RGPD2: variants seen among roughly 807,000 people sequenced by gnomAD.
The protein encoded by RGPD2 is RANBP2 like and GRIP domain containing 2.
In RGPD2, 2 loss-of-function variants were observed where a neutral mutation model predicts 36.0. The observed-to-expected ratio is 0.06, with a 90% CI of 0.02 to 0.17. RGPD2 has a LOEUF of 0.17. RGPD2 is among the 10% of genes least tolerant of loss of function. The pLI, the probability that RGPD2 is intolerant of heterozygous loss-of-function variation, is 1.00. For missense variants in RGPD2, 40 were observed against 464.3 expected (o/e 0.09, Z 8.40); for synonymous variants, 19 against 163.8 (o/e 0.12, Z 6.75).
chr2:87,844,681 CATT>C, the RGPD2 span, among the ~76,000 whole-genome samples: 2 of 151,620 alleles, frequency 1.3e-5, no homozygotes, highest in Non-Finnish European at 2.9e-5. Flanking sequence ...TTTAAATTTC[CATT>C]TCTTAAGTCT....
At chr2:87,883,766 A>G in the RGPD2 span, among the ~76,000 whole-genome samples, 1 of 152,118 alleles carries the variant, frequency 6.6e-6, no homozygotes, top group African/African-American at 2.4e-5. Context: ...TAACAATTAT[A>G]TTTGCTCCAA....
intron 20 of RGPD2, among the ~76,000 whole-genome samples, chr2:87,776,590 TA>T (rs1685272360): frequency 7.8e-6 from 1 of 128,750 alleles, no homozygotes; most frequent in Non-Finnish European, 1.7e-5. Flanking sequence ...TCGGGAGAAT[TA>T]AGCAGCTGCT....
At chr2:87,984,479 A>AT in the RGPD2 span, among the ~76,000 whole-genome samples, 1 of 150,918 alleles carries the variant, frequency 6.6e-6, no homozygotes, top group African/African-American at 2.4e-5. Flanking sequence ...TTTAGAAAAA[A>AT]TTTTTAATGA....
intron 22 of RGPD2, among the ~76,000 whole-genome samples, chr2:87,761,081 ATTCT>A (rs1447164765): frequency 3.6e-5 from 2 of 55,372 alleles, no homozygotes; most frequent in Admixed American, 4.6e-4. Flanking sequence ...GAGCTCACTG[ATTCT>A]TTCATTGGCC....
the RGPD2 span, among the ~76,000 whole-genome samples, chr2:87,886,822 T>G: frequency 6.6e-6 from 1 of 151,916 alleles, no homozygotes; most frequent in African/African-American, 2.4e-5. Context: ...TCATTTAATG[T>G]GCTCAATCAC....
chr2:87,861,689 T>G, the RGPD2 span, among the ~76,000 whole-genome samples: 1 of 151,536 alleles, frequency 6.6e-6, no homozygotes. Context: ...AGTTTGTCAT[T>G]TTCATAGAAT....
At chr2:87,840,140 A>T in the RGPD2 span, among the ~76,000 whole-genome samples, 1 of 134,732 alleles carries the variant, frequency 7.4e-6, no homozygotes, top group Non-Finnish European at 1.6e-5. Context: ...GTCATGAAGG[A>T]TTAGGGTAAA....
At chr2:87,864,810 T>C in the RGPD2 span, among the ~76,000 whole-genome samples, 2 of 152,242 alleles carry the variant, frequency 1.3e-5, no homozygotes, top group Non-Finnish European at 2.9e-5. Context: ...ATTATTAATT[T>C]TTTACAGTTG....
intron 19 of RGPD2, 103 bp from the exon 20 acceptor site, chr2:87,784,450 A>AATAATG (rs1685509543): frequency 1.2e-6 from 1 of 866,450 alleles, no homozygotes; most frequent in South Asian, 1.7e-5. Flanking sequence ...TGATGTTAAC[A>AATAATG]ATAATGATGA....
At chr2:87,758,150 TCAGA>T (rs1242734763) in intron 22 of RGPD2, among the ~76,000 whole-genome samples, 2 of 151,506 alleles carry the variant, frequency 1.3e-5, no homozygotes, top group Admixed American at 6.6e-5. Flanking sequence ...GACTTTGGAA[TCAGA>T]CAGATCAACT....
At chr2:87,883,849 G>T in the RGPD2 span, among the ~76,000 whole-genome samples, 2 of 151,792 alleles carry the variant, frequency 1.3e-5, no homozygotes, top group African/African-American at 4.8e-5. Flanking sequence ...AATAGTAATA[G>T]GGTATTTCAA....
intron 6 of RGPD2, among the ~76,000 whole-genome samples, chr2:87,809,852 C>A (rs940771513): frequency 7.2e-6 from 1 of 139,126 alleles, no homozygotes; most frequent in Admixed American, 7.5e-5. Flanking sequence ...GTCCTCAGGG[C>A]CCTCCTGGGG....
chr2:87,854,669 T>C, the RGPD2 span, among the ~76,000 whole-genome samples: 3 of 152,224 alleles, frequency 2.0e-5, no homozygotes, highest in Non-Finnish European at 4.4e-5. Context: ...CACTTAACAA[T>C]ATGCATTTAA....
the RGPD2 span, among the ~76,000 whole-genome samples, chr2:87,844,988 T>C: frequency 9.2e-6 from 1 of 109,258 alleles, no homozygotes; most frequent in Admixed American, 1.1e-4. Context: ...GGTAAATTAC[T>C]GATTCTTTTC....
the RGPD2 span, among the ~76,000 whole-genome samples, chr2:87,970,454 C>T: frequency 6.6e-6 from 1 of 152,012 alleles, no homozygotes; most frequent in Non-Finnish European, 1.5e-5. Context: ...ATCATAGAAA[C>T]AATCTAGCAA....
At chr2:87,824,792 GAGGCCGCCGCCGCCGCCGCCCGGCC>G (rs1558738509) in intron 1 of RGPD2, 6 of 39,108 alleles carry the variant, frequency 1.5e-4, no homozygotes, top group Admixed American at 5.5e-4. Context: ...GGCCGAGGCC[GAGGCCGCCGCCGCCGCCGCCCGGCC>G]AGGCCGAGGC....
chr2:87,920,322 C>T, the RGPD2 span, among the ~76,000 whole-genome samples: 2 of 151,654 alleles, frequency 1.3e-5, no homozygotes, highest in Admixed American at 6.6e-5. Context: ...GATAAATGTC[C>T]TTTACTTTTG....
intron 6 of RGPD2, among the ~76,000 whole-genome samples, chr2:87,809,726 A>G (rs1382412393): frequency 1.3e-5 from 2 of 151,518 alleles, no homozygotes; most frequent in Admixed American, 6.6e-5. Context: ...TATCTTCCTC[A>G]GGGTCCTCCC....
chr2:87,834,255 A>G, the RGPD2 span, among the ~76,000 whole-genome samples: 1 of 151,812 alleles, frequency 6.6e-6, no homozygotes, highest in Non-Finnish European at 1.5e-5. Context: ...AATTTATATC[A>G]TATTTATTGG....
Sources: allele counts gnomAD v4.1 joint callset (sites outside exome capture counted in the v4.1 genomes callset), GRCh38; gene constraint gnomAD v4.1.1; transcripts MANE v1.5; gene names NCBI Gene and HGNC (gene_info 2026-07-23, HGNC 2026-07-21).